The following ABTB2 variants were observed in gnomAD, a reference collection of about 807,000 sequenced individuals.
ABTB2 encodes the protein ankyrin repeat and BTB/POZ domain-containing protein 2.
Under a neutral mutation model 104.1 loss-of-function variants are expected in ABTB2, and 56 were observed. The ratio of observed to expected loss-of-function variants is 0.54; its 90% CI spans 0.43 to 0.67. ABTB2 has a LOEUF of 0.67. ABTB2 is among the 30% of genes least tolerant of loss of function. ABTB2 has a pLI of 0.00. For missense variants in ABTB2, 1,279 were observed against 1,407.7 expected (o/e 0.91, Z 1.46); for synonymous variants, 606 against 608.2 (o/e 1.00, Z 0.05).
At chr11:34,244,999 A>C (rs2755175) in intron 1 of ABTB2, among the ~76,000 whole-genome samples, 105,857 of 151,962 alleles carry the variant, frequency 0.7, 37,529 homozygotes, top group African/African-American at 0.82. Context: ...CAGAGTGAGA[A>C]CCTGTCTCAA....
At chr11:34,352,750 C>T (rs10768068) in intron 1 of ABTB2, among the ~76,000 whole-genome samples, 23,333 of 152,204 alleles carry the variant, frequency 0.15, 3,090 homozygotes, top group East Asian at 0.35. Flanking sequence ...CCAGGCCACT[C>T]ATGTAAATGG....
chr11:34,275,630 T>G (rs531659309), intron 1 of ABTB2, among the ~76,000 whole-genome samples: 24 of 152,112 alleles, frequency 1.6e-4, no homozygotes, highest in Admixed American at 3.9e-4. Context: ...TCACCTCCAC[T>G]CAATGTGGAT....
At chr11:34,236,138 G>A (rs1853840378) in intron 1 of ABTB2, among the ~76,000 whole-genome samples, 1 of 152,104 alleles carries the variant, frequency 6.6e-6, no homozygotes, top group Admixed American at 6.5e-5. Flanking sequence ...GTTGGCAGAG[G>A]GAGATTAAAA....
At chr11:34,255,458 T>G (rs1431965926) in intron 1 of ABTB2, among the ~76,000 whole-genome samples, 1 of 152,200 alleles carries the variant, frequency 6.6e-6, no homozygotes, top group African/African-American at 2.4e-5. Context: ...TAAGTTATAT[T>G]TCTAAAAATT....
intron 3 of ABTB2, among the ~76,000 whole-genome samples, chr11:34,191,337 G>A (rs1023807220): frequency 6.6e-6 from 1 of 152,208 alleles, no homozygotes; most frequent in Non-Finnish European, 1.5e-5. Flanking sequence ...TGACACGTTC[G>A]CTGGCTCCAG....
intron 1 of ABTB2, among the ~76,000 whole-genome samples, chr11:34,232,382 G>A (rs561363290): frequency 4.7e-5 from 7 of 149,522 alleles, no homozygotes; most frequent in South Asian, 2.1e-4. Flanking sequence ...CCTGGGAAGC[G>A]GAGGCTGCAG....
rs184045588 is a variant in ABTB2 at position 34,256,133 on chromosome 11, C to T, written c.884-51443G>A. Among the ~76,000 whole-genome samples the T allele has an allele frequency of 2.8e-3, 396 of 140,410 alleles. 3 individuals carry two copies. Among genetic ancestry groups the T allele is most frequent in the African/African-American group, 0.01 (374 of 36,334 alleles). 92.1% of individuals were successfully genotyped at this position (140,410 alleles called of 152,430 possible). On this transcript the variant is annotated intron_variant, in intron 1 of 16. Transcript: ENST00000435224. ...AAAGAGTCTCAGCAACTGTGTTGTC[C>T]ACACTGCCGTCGGTTTTATCATCTA... is the stretch of plus-strand genomic sequence containing the variant.
chr11:34,225,624 A>G (rs1853675901), intron 1 of ABTB2, among the ~76,000 whole-genome samples: 1 of 151,878 alleles, frequency 6.6e-6, no homozygotes, highest in Non-Finnish European at 1.5e-5. Context: ...GTGTGGTGGC[A>G]CATGCCTGTG....
intron 1 of ABTB2, among the ~76,000 whole-genome samples, chr11:34,316,889 T>C (rs1854938420): frequency 6.6e-6 from 1 of 152,170 alleles, no homozygotes; most frequent in Non-Finnish European, 1.5e-5. Flanking sequence ...GTTCTTACCC[T>C]GGACACACTA....
intron 14 of ABTB2, among the ~76,000 whole-genome samples, chr11:34,156,800 A>G (rs755699043): frequency 3.9e-5 from 6 of 152,212 alleles, no homozygotes; most frequent in Non-Finnish European, 7.3e-5. Flanking sequence ...CTGGGATTAC[A>G]GGCGTGAGCC....
chr11:34,232,840 G>A (rs962982232), intron 1 of ABTB2, among the ~76,000 whole-genome samples: 1 of 151,872 alleles, frequency 6.6e-6, no homozygotes, highest in Non-Finnish European at 1.5e-5. Flanking sequence ...AGGCGTAATG[G>A]TCCCAGCTTC....
intron 3 of ABTB2, among the ~76,000 whole-genome samples, chr11:34,195,081 G>C (rs567195979): frequency 1.9e-5 from 2 of 102,622 alleles, no homozygotes; most frequent in East Asian, 3.2e-4. Context: ...CCGGCGGGGG[G>C]GGGGAGTGGG....
Position 34,356,986 on chromosome 11 carries a change from G to T in ABTB2, c.598C>A (p.Arg200Ser). The change falls in exon 1 of 17, where the codon CGC becomes AGC. Residue 200 changes from arginine (R) to serine (S), a missense_variant. By Grantham distance (110) the Arg-to-Ser change is moderately radical (BLOSUM62 -1). Transcript: ENST00000435224. The surrounding 1 kb of genome is among the most constrained non-coding windows in gnomAD (Gnocchi z 4.6). ...CCCACTGAGAAGGTGAGGCCGCAGC[G>T]CGCGGACTTGCCCCGGCGCAGCCCG... ...GDGLRRGKSA[R>S]CGLTFSVGRF... 6.3e-7 allele frequency: 1 copy of T among 1,588,154 alleles called. No homozygotes were observed. Among genetic ancestry groups the T allele is most frequent in the Non-Finnish European group, 8.6e-7 (1 of 1,169,290 alleles).
At chr11:34,283,053 C>T (rs969886463) in intron 1 of ABTB2, among the ~76,000 whole-genome samples, 3 of 150,438 alleles carry the variant, frequency 2.0e-5, no homozygotes, top group South Asian at 4.2e-4. Flanking sequence ...GTACTACAGG[C>T]GCCCGCCACC....
chr11:34,235,925 A>G (rs1853836571), intron 1 of ABTB2, among the ~76,000 whole-genome samples: 1 of 152,224 alleles, frequency 6.6e-6, no homozygotes, highest in South Asian at 2.1e-4. Flanking sequence ...AGCCCTAAAC[A>G]GAGACAGCTG....
At chr11:34,339,831 T>A (rs539101478) in intron 1 of ABTB2, among the ~76,000 whole-genome samples, 1 of 152,262 alleles carries the variant, frequency 6.6e-6, no homozygotes, top group African/African-American at 2.4e-5. Context: ...GGCAATTGCA[T>A]AAATACATGA....
chr11:34,165,304 T>G lies in ABTB2; in HGVS notation c.1808A>C (p.Glu603Ala), dbSNP rs1852782813. 11 of 1,575,190 alleles carry G rather than the reference T, an allele frequency of 7.0e-6. No individual in the cohort carries two copies. The highest frequency in any genetic ancestry group is 9.5e-6 in the Non-Finnish European group (11 of 1,161,374). ...CAGGGGCGTCTCCGCATAGCTGTCC[T>G]CGCCGCCGTTCACTGCCGAGCCCTC... ...HVEGSAVNGG[E>A]DSYAETPLQL... The change falls in exon 8 of 17, where the codon GAG becomes GCG. Residue 603 changes from glutamate to alanine, a missense_variant. Physicochemically the swap from Glu to Ala is moderately radical, Grantham distance 107. Transcript: ENST00000435224.
At chr11:34,262,314 C>T (rs2611145) in intron 1 of ABTB2, among the ~76,000 whole-genome samples, 72,759 of 151,888 alleles carry the variant, frequency 0.48, 17,890 homozygotes, top group South Asian at 0.58. Context: ...CTTGGACTCT[C>T]ATGATTTCCA....
At chr11:34,272,352 T>C (rs1186890754) in intron 1 of ABTB2, among the ~76,000 whole-genome samples, 1 of 149,508 alleles carries the variant, frequency 6.7e-6, no homozygotes, top group Non-Finnish European at 1.5e-5. Flanking sequence ...TATTCTTTGC[T>C]CACTTTCCCC....
Sources: gnomAD v4.1 joint callset for allele counts (sites outside exome capture counted in the v4.1 genomes callset) on GRCh38, gnomAD v4.1.1 for gene constraint, Gnocchi (gnomAD v3.1) non-coding constraint, MANE v1.5 for transcripts, NCBI Gene and HGNC (gene_info 2026-07-23, HGNC 2026-07-21) for gene names.